Variants in RCAN2 observed in about 807,000 individuals in gnomAD.
RCAN2 encodes the protein regulator of calcineurin 2.
RCAN2 carries 9 observed loss-of-function variants against 23.6 expected under a neutral mutation model. That is an observed-to-expected ratio of 0.38 (90% CI 0.23 to 0.67). The LOEUF (loss-of-function observed/expected upper bound fraction) is 0.67. Among genes scored for constraint, RCAN2 ranks in the 30% least tolerant of loss-of-function variants. The probability of loss-of-function intolerance (pLI) is 0.51; values close to 1 mark genes in which losing one functional copy is unlikely to be tolerated. For synonymous variants in RCAN2, 109 were observed against 115.7 expected (o/e 0.94, Z 0.37); for missense variants, 273 against 302.3 (o/e 0.90, Z 0.72).
intron 2 of RCAN2, among the ~76,000 whole-genome samples, chr6:46,311,309 G>C (rs2150356681): frequency 6.6e-6 from 1 of 152,244 alleles, no homozygotes; most frequent in South Asian, 2.1e-4. Flanking sequence ...TAAAAGGGTT[G>C]GGAAAGGCTG....
chr6:46,333,014 G>A (rs372787017), intron 2 of RCAN2, among the ~76,000 whole-genome samples: 1 of 152,212 alleles, frequency 6.6e-6, no homozygotes. Flanking sequence ...ACTGGTGTGA[G>A]ATGGTATCTC....
intron 1 of RCAN2, among the ~76,000 whole-genome samples, chr6:46,460,695 G>C (rs966891648): frequency 1.3e-5 from 2 of 152,148 alleles, no homozygotes; most frequent in African/African-American, 4.8e-5. Flanking sequence ...GAAAGCAGAG[G>C]CTGGGTTGTC....
At chr6:46,245,900 C>T (rs1239576216) in intron 4 of RCAN2, among the ~76,000 whole-genome samples, 1 of 152,154 alleles carries the variant, frequency 6.6e-6, no homozygotes, top group African/African-American at 2.4e-5. Context: ...TCTCAGCTGC[C>T]ACCTGGTTTC....
intron 2 of RCAN2, among the ~76,000 whole-genome samples, chr6:46,366,716 G>A (rs1468368913): frequency 6.6e-6 from 1 of 151,840 alleles, no homozygotes; most frequent in Non-Finnish European, 1.5e-5. Flanking sequence ...AATCCTGGTA[G>A]GCCAGTTTAG....
chr6:46,317,817 G>T lies in RCAN2; in HGVS notation c.226-68921C>A, dbSNP rs146444256. Among the ~76,000 whole-genome samples the T allele has an allele frequency of 4.0e-3, 603 of 152,254 alleles. 1 individual carries two copies. Among genetic ancestry groups the T allele is most frequent in the South Asian group, 6.8e-3 (33 of 4,820 alleles). On this transcript the variant is annotated intron_variant, in intron 2 of 4. Coordinates refer to ENST00000371374, the MANE Select transcript of RCAN2 (RefSeq NM_001251974.2). ...ATTAATTAATCCTTAGAGAGATTTC[G>T]ATAGTGGAAAGAACAGTTCAAGTCC... is the stretch of plus-strand genomic sequence containing the variant.
intron 2 of RCAN2, among the ~76,000 whole-genome samples, chr6:46,397,868 T>C (rs1312494012): frequency 2.0e-5 from 3 of 152,218 alleles, no homozygotes; most frequent in Non-Finnish European, 4.4e-5. Flanking sequence ...AAAAATCTTT[T>C]AAATTTTGCA....
intron 2 of RCAN2, among the ~76,000 whole-genome samples, chr6:46,272,699 T>G (rs1767560039): frequency 6.6e-6 from 1 of 152,240 alleles, no homozygotes; most frequent in South Asian, 2.1e-4. Context: ...TCTGTAAACA[T>G]GTAATGTTTA....
chr6:46,488,829 T>C (rs898289342), intron 1 of RCAN2, among the ~76,000 whole-genome samples: 5 of 152,194 alleles, frequency 3.3e-5, no homozygotes, highest in African/African-American at 1.2e-4. Flanking sequence ...ATCTCTTCTC[T>C]TTCCTCCAGG....
At chr6:46,228,396 T>C (rs1349650294) in intron 4 of RCAN2, among the ~76,000 whole-genome samples, 1 of 152,172 alleles carries the variant, frequency 6.6e-6, no homozygotes, top group African/African-American at 2.4e-5. Context: ...CTCATTATTA[T>C]TGTGTGGGAG....
At chr6:46,436,168 T>C (rs530144458) in intron 2 of RCAN2, among the ~76,000 whole-genome samples, 1 of 152,332 alleles carries the variant, frequency 6.6e-6, no homozygotes, top group Admixed American at 6.5e-5. Flanking sequence ...AGTTGCTCTT[T>C]GGTGCGTTAT....
chr6:46,413,243 TCA>T (rs1451204280), intron 2 of RCAN2, among the ~76,000 whole-genome samples: 1 of 152,240 alleles, frequency 6.6e-6, no homozygotes, highest in Non-Finnish European at 1.5e-5. Context: ...TGAAAGGTTC[TCA>T]GAGACAGTAT....
At chr6:46,467,483 C>G (rs144833575) in intron 1 of RCAN2, among the ~76,000 whole-genome samples, 221 of 152,358 alleles carry the variant, frequency 1.5e-3, no homozygotes, top group Non-Finnish European at 2.6e-3. Flanking sequence ...TGTTAACCAT[C>G]TTAAGTTCTC....
At position 46,417,153 on chromosome 6, in the gene RCAN2, A is replaced by G. The variant is rs576536001; in HGVS notation, c.225+39599T>C. The stretch of plus-strand genomic sequence containing the variant: ...ACATGTGTCATAGATGGAAAATGCT[A>G]TGTCAAAATTCATGGGCATTTTTAT... On this transcript the variant is annotated intron_variant, in intron 2 of 4. Transcript: ENST00000371374. Among the ~76,000 whole-genome samples, 63 of 152,342 alleles carry G rather than the reference A, an allele frequency of 4.1e-4. 1 individual carries two copies. Among genetic ancestry groups the G allele is most frequent in the African/African-American group, 1.4e-3 (60 of 41,588 alleles).
At chr6:46,275,822 G>A (rs912116468) in intron 2 of RCAN2, among the ~76,000 whole-genome samples, 1 of 152,184 alleles carries the variant, frequency 6.6e-6, no homozygotes, top group African/African-American at 2.4e-5. Flanking sequence ...GTTTCTTAAA[G>A]TATGGAAGAT....
chr6:46,292,670 T>C (rs1762605823), intron 2 of RCAN2, among the ~76,000 whole-genome samples: 1 of 152,168 alleles, frequency 6.6e-6, no homozygotes. Context: ...CTTTTAGATT[T>C]ATTGACCATC....
chr6:46,374,581 A>T (rs1765410256), intron 2 of RCAN2, among the ~76,000 whole-genome samples: 1 of 152,208 alleles, frequency 6.6e-6, no homozygotes, highest in Admixed American at 6.5e-5. Flanking sequence ...TATGGATCTA[A>T]AATTTGATAA....
chr6:46,352,613 A>G (rs1175803002), intron 2 of RCAN2, among the ~76,000 whole-genome samples: 1 of 152,186 alleles, frequency 6.6e-6, no homozygotes, highest in East Asian at 1.9e-4. Context: ...TATTAGGTAG[A>G]AAGAATATTT....
intron 2 of RCAN2, among the ~76,000 whole-genome samples, chr6:46,428,628 A>G (rs1767101023): frequency 6.6e-6 from 1 of 152,242 alleles, no homozygotes; most frequent in South Asian, 2.1e-4. Flanking sequence ...GGCCCAGGAC[A>G]GAGGAGCATG....
At chr6:46,372,049 G>C (rs888320257) in intron 2 of RCAN2, among the ~76,000 whole-genome samples, 2 of 152,102 alleles carry the variant, frequency 1.3e-5, no homozygotes, top group African/African-American at 4.8e-5. Context: ...CCAGAACCAG[G>C]GTTGGACAGA....
Sources: gnomAD v4.1 joint callset for allele counts (sites outside exome capture counted in the v4.1 genomes callset) on GRCh38, gnomAD v4.1.1 for gene constraint, MANE v1.5 for transcripts, NCBI Gene and HGNC (gene_info 2026-07-23, HGNC 2026-07-21) for gene names.